The following EBF3 variants were observed in gnomAD, a reference collection of about 807,000 sequenced individuals.
EBF3 encodes the protein transcription factor COE3.
Under a neutral mutation model 77.1 loss-of-function variants are expected in EBF3, and 18 were observed. The observed-to-expected ratio is 0.23, with a 90% CI of 0.16 to 0.35. The LOEUF is 0.35. EBF3 is among the 10% of genes least tolerant of loss of function. The probability of loss-of-function intolerance (pLI) is 1.00; values close to 1 mark genes in which losing one functional copy is unlikely to be tolerated. For synonymous variants in EBF3, 350 were observed against 343.5 expected, an observed-to-expected ratio of 1.02 and a Z score of -0.21; for missense variants, 558 against 860.0, an observed-to-expected ratio of 0.65 and a Z score of 4.39.
intron 6 of EBF3, among the ~76,000 whole-genome samples, chr10:129,941,872 G>A (rs568202063): frequency 1.3e-5 from 2 of 151,900 alleles, no homozygotes; most frequent in South Asian, 2.1e-4. Flanking sequence ...AGCCATTTGC[G>A]GGGTCATCCC....
intron 6 of EBF3, among the ~76,000 whole-genome samples, chr10:129,881,800 G>A (rs753810812): frequency 1.7e-4 from 26 of 152,142 alleles, no homozygotes; most frequent in Non-Finnish European, 3.5e-4. Flanking sequence ...GTGCCACTCC[G>A]GATATCTTGA....
intron 6 of EBF3, among the ~76,000 whole-genome samples, chr10:129,922,613 C>T (rs966820227): frequency 8.5e-5 from 13 of 152,244 alleles, no homozygotes; most frequent in African/African-American, 2.2e-4. Context: ...TCCCGGCTCT[C>T]GCCGTCCTTG....
chr10:129,889,451 G>A (rs1181131805), intron 6 of EBF3, among the ~76,000 whole-genome samples: 3 of 152,214 alleles, frequency 2.0e-5, no homozygotes, highest in Admixed American at 2.0e-4. Flanking sequence ...CGGCTGGGCC[G>A]TCCCACTGAT....
chr10:129,846,647 A>G (rs1029822742), intron 11 of EBF3, among the ~76,000 whole-genome samples: 2 of 152,108 alleles, frequency 1.3e-5, no homozygotes, highest in East Asian at 1.9e-4. Flanking sequence ...TGGCTTAACC[A>G]TGATGAATCG....
Position 129,963,604 on chromosome 10 carries a change from G to A in EBF3, c.134+31C>T. On this transcript the variant is annotated intron_variant, in intron 1 of 16. Transcript: ENST00000440978. This position sits in a 1 kb window ranked among gnomAD's most constrained non-coding sequence, Gnocchi z 7.1. ...GGGGCCGGGCCGGGCCGGGGCCGGG[G>A]CCAGGGCGCGCGGGGGCGGCCGGTA... The A allele has an allele frequency of 7.7e-7, 1 of 1,292,944 alleles. No individual in the cohort carries two copies. Among genetic ancestry groups the A allele is most frequent in the Non-Finnish European group, 9.9e-7 (1 of 1,005,642 alleles). 80.1% of individuals were successfully genotyped at this position (1,292,944 alleles called of 1,614,324 possible).
At chr10:129,875,187 C>CTTCTTTTTTTTTTTTTTTTTTTTTTTTTT (rs1852672323) in intron 7 of EBF3, among the ~76,000 whole-genome samples, 3 of 92,932 alleles carry the variant, frequency 3.2e-5, no homozygotes, top group African/African-American at 1.2e-4. Flanking sequence ...ATGGCTTCTT[C>CTTCTTTTTTTTTTTTTTTTTTTTTTTTTT]TTTTTTTTTT....
chr10:129,897,706 A>C lies in EBF3; in HGVS notation c.555-19857T>G, dbSNP rs1854494204. Among the ~76,000 whole-genome samples the C allele has an allele frequency of 6.6e-6, 1 of 152,180 alleles. No individual in the cohort carries two copies. Among genetic ancestry groups the C allele is most frequent in the South Asian group, 2.1e-4 (1 of 4,822 alleles). On this transcript the variant is annotated intron_variant, in intron 6 of 16. Coordinates refer to ENST00000440978, the MANE Select transcript of EBF3 (RefSeq NM_001375380.1). This position sits in a 1 kb window ranked among gnomAD's most constrained non-coding sequence, Gnocchi z 4.6. ...TTATTATCAAGAAGTACAAGTTTTG[A>C]TGTTATCAGAGTGGAAAAACAGCCC...
chr10:129,958,398 A>AT (rs919714600), intron 5 of EBF3, among the ~76,000 whole-genome samples: 5 of 152,180 alleles, frequency 3.3e-5, no homozygotes, highest in African/African-American at 1.2e-4. Context: ...CAGGTGGGAA[A>AT]TTGCTCTTCT....
intron 6 of EBF3, among the ~76,000 whole-genome samples, chr10:129,913,852 T>C (rs923095987): frequency 6.6e-6 from 1 of 152,144 alleles, no homozygotes; most frequent in Admixed American, 6.5e-5. Flanking sequence ...TCTTCTCATC[T>C]AAATCCCAGA....
chr10:129,900,165 T>A (rs1425480992), intron 6 of EBF3, among the ~76,000 whole-genome samples: 1 of 152,218 alleles, frequency 6.6e-6, no homozygotes, highest in Non-Finnish European at 1.5e-5. Flanking sequence ...AATGCCAATA[T>A]TCACCTTGAA....
Position 129,841,087 on chromosome 10 carries a change from T to TG in EBF3, c.1373-56dup, listed in dbSNP as rs970748695. ...AACATTATTATCAGCGACAGACACT[T>TG]GGGGGGGGTTCCCCGAGAATCTATA... is the stretch of plus-strand genomic sequence containing the variant. On this transcript the variant is annotated intron_variant, in intron 13 of 16. Coordinates refer to ENST00000440978, the MANE Select transcript of EBF3 (RefSeq NM_001375380.1). The surrounding 1 kb of genome is among the most constrained non-coding windows in gnomAD (Gnocchi z 4.6). 337 of 1,572,014 alleles carry TG rather than the reference T, an allele frequency of 2.1e-4. 1 individual carries two copies. The highest frequency in any genetic ancestry group is 3.7e-4 in the African/African-American group (27 of 73,874).
At chr10:129,934,367 T>C (rs1857219423) in intron 6 of EBF3, among the ~76,000 whole-genome samples, 1 of 152,070 alleles carries the variant, frequency 6.6e-6, no homozygotes. Flanking sequence ...GGCTCCATCT[T>C]CACTAGCAAC....
chr10:129,963,667 C>A lies in EBF3; in HGVS notation c.102G>T (p.Ala34=). 1 of 1,507,688 alleles carries A rather than the reference C, an allele frequency of 6.6e-7. No homozygotes were observed. Among genetic ancestry groups the A allele is most frequent in the Non-Finnish European group, 8.9e-7 (1 of 1,120,360 alleles). 93.4% of individuals were successfully genotyped at this position (1,507,688 alleles called of 1,614,324 possible). Residue 34 remains alanine, a synonymous_variant, in exon 1 of 17, where the codon GCG becomes GCT. Coordinates refer to ENST00000440978, the MANE Select transcript of EBF3 (RefSeq NM_001375380.1). This position sits in a 1 kb window ranked among gnomAD's most constrained non-coding sequence, Gnocchi z 7.1. ...MNPVRSWMHT[A]GVVDANTAAQ... ...CGGCCGTGTTGGCGTCCACCACGCC[C>A]GCCGTGTGCATCCACGAGCGCACCG...
At chr10:129,871,235 G>A (rs555125599) in intron 8 of EBF3, among the ~76,000 whole-genome samples, 4 of 152,202 alleles carry the variant, frequency 2.6e-5, no homozygotes, top group Admixed American at 2.6e-4. Flanking sequence ...GTTTACGAGG[G>A]GACAAGTGAC....
At chr10:129,853,158 C>T (rs557664482) in intron 10 of EBF3, among the ~76,000 whole-genome samples, 1 of 152,324 alleles carries the variant, frequency 6.6e-6, no homozygotes, top group South Asian at 2.1e-4. Context: ...CTCTTCCAGC[C>T]ACAGTTGTGT....
At chr10:129,909,757 C>T (rs1042429917) in intron 6 of EBF3, among the ~76,000 whole-genome samples, 1 of 152,188 alleles carries the variant, frequency 6.6e-6, no homozygotes, top group African/African-American at 2.4e-5. Context: ...CACCGTCAGC[C>T]GCCAAGGCCC....
At chr10:129,953,654 C>T (rs751418635) in intron 6 of EBF3, among the ~76,000 whole-genome samples, 64 of 152,240 alleles carry the variant, frequency 4.2e-4, no homozygotes, top group Non-Finnish European at 7.5e-4. Context: ...GGAGCCCCTG[C>T]GTGTGCCCGG....
chr10:129,898,503 G>GC (rs1009321670), intron 6 of EBF3, among the ~76,000 whole-genome samples: 1 of 152,106 alleles, frequency 6.6e-6, no homozygotes, highest in African/African-American at 2.4e-5. Flanking sequence ...TCTGGGGACC[G>GC]CCCCCCACCC....
rs369018724 is a variant in EBF3, at chr10:129,865,140, T to C, written c.1039+2001A>G. 2.6e-4 allele frequency among the ~76,000 whole-genome samples: 39 copies of C among 152,230 alleles called. 1 individual carries two copies. Among genetic ancestry groups the C allele is most frequent in the African/African-American group, 8.4e-4 (35 of 41,540 alleles). On this transcript the variant is annotated intron_variant, in intron 10 of 16. Coordinates refer to ENST00000440978, the MANE Select transcript of EBF3 (RefSeq NM_001375380.1). ...ATACCAACAGTTTGCACAGGAGGCA[T>C]GTGGAAATGTGCACCGTGTGGCTTC... is the stretch of plus-strand genomic sequence containing the variant.
Sources: allele counts gnomAD v4.1 joint callset (sites outside exome capture counted in the v4.1 genomes callset), GRCh38; gene constraint gnomAD v4.1.1; non-coding constraint Gnocchi (gnomAD v3.1); transcripts MANE v1.5; gene names NCBI Gene and HGNC (gene_info 2026-07-23, HGNC 2026-07-21).